Variants in VSX2 observed in about 807,000 individuals in gnomAD.
VSX2 encodes visual system homeobox 2, also known as ceh-10 homeo domain containing homolog.
VSX2 carries 28 observed loss-of-function variants against 32.1 expected under a neutral mutation model. That is an observed-to-expected ratio of 0.87 (90% CI 0.65 to 1.20). The LOEUF is 1.20. Ranked by LOEUF, VSX2 falls within the 50% of genes most tolerant of loss-of-function variation. The pLI, the probability that VSX2 is intolerant of heterozygous loss-of-function variation, is 0.00. For synonymous variants in VSX2, 243 were observed against 214.1 expected (o/e 1.14, Z -1.18); for missense variants, 506 against 488.7 (o/e 1.04, Z -0.33).
At chr14:74,260,039 G>A (rs1438503512) in intron 4 of VSX2, among the ~76,000 whole-genome samples, 3 of 152,214 alleles carry the variant, frequency 2.0e-5, no homozygotes, top group Non-Finnish European at 2.9e-5. Context: ...ATTTTGTCCT[G>A]TGAGAACAGT....
At chr14:74,256,120 G>A (rs563460259) in intron 3 of VSX2, among the ~76,000 whole-genome samples, 14 of 152,228 alleles carry the variant, frequency 9.2e-5, no homozygotes, top group South Asian at 2.1e-4. Context: ...AAGTCATTGC[G>A]GTTTTTGCCA....
chr14:74,241,045 G>A, intron 1 of VSX2, 137 bp from the exon 2 acceptor site: 1 of 829,758 alleles, frequency 1.2e-6, no homozygotes, highest in Non-Finnish European at 2.0e-6. Flanking sequence ...GGCCACCGGG[G>A]CGCCCGCAGG....
intron 3 of VSX2, among the ~76,000 whole-genome samples, chr14:74,251,169 G>T (rs943223147): frequency 1.3e-5 from 2 of 151,960 alleles, no homozygotes; most frequent in Non-Finnish European, 2.9e-5. Context: ...ACAAAATTAC[G>T]CCGGGTACGG....
At chr14:74,255,309 T>C (rs894184949) in intron 3 of VSX2, among the ~76,000 whole-genome samples, 1 of 152,226 alleles carries the variant, frequency 6.6e-6, no homozygotes, top group Non-Finnish European at 1.5e-5. Flanking sequence ...TAATTCCTTG[T>C]CCACTTCCCT....
chr14:74,243,927 C>T (rs1421545975), intron 2 of VSX2, among the ~76,000 whole-genome samples: 1 of 152,118 alleles, frequency 6.6e-6, no homozygotes, highest in Non-Finnish European at 1.5e-5. Flanking sequence ...GAGTCTGATC[C>T]CAGGGGACCA....
At chr14:74,242,566 T>C (rs2079157457) in intron 2 of VSX2, among the ~76,000 whole-genome samples, 1 of 152,138 alleles carries the variant, frequency 6.6e-6, no homozygotes, top group Non-Finnish European at 1.5e-5. Context: ...TAGTTTGTAT[T>C]GTTTTATTTT....
chr14:74,244,371 G>C (rs2024243), intron 2 of VSX2, among the ~76,000 whole-genome samples: 122,423 of 151,888 alleles, frequency 0.81, 49,787 homozygotes, highest in Admixed American at 0.88. Flanking sequence ...CCCTTCCCTT[G>C]TCAGCACAGA....
chr14:74,255,494 T>A (rs1393040801), intron 3 of VSX2, among the ~76,000 whole-genome samples: 3 of 152,244 alleles, frequency 2.0e-5, no homozygotes, highest in African/African-American at 7.2e-5. Context: ...CAGCTGGCAC[T>A]GGCTCCCCTG....
At position 74,250,723 on chromosome 14, in the gene VSX2, A is replaced by G. The variant is rs1189057899; in HGVS notation, c.579+5435A>G. On this transcript the variant is annotated intron_variant, in intron 3 of 4. Transcript: ENST00000261980. Reference sequence around the variant, plus strand: ...GGGCAGATTTTTTTTTTCTCGGCTCATTGCAACCTCCGCCTTCTGGGTTCA... The same window carrying G: ...GGGCAGATTTTTTTTTTCTCGGCTCGTTGCAACCTCCGCCTTCTGGGTTCA... Among the ~76,000 whole-genome samples, 5 of 151,332 alleles carry G rather than the reference A, an allele frequency of 3.3e-5. No homozygotes were observed. In the South Asian group the frequency reaches 6.3e-4, roughly 19 times the overall value.
rs114531546 is a variant in VSX2, at chr14:74,247,210, C to T, written c.579+1922C>T. On this transcript the variant is annotated intron_variant, in intron 3 of 4. Coordinates refer to ENST00000261980, the MANE Select transcript of VSX2 (RefSeq NM_182894.3). Reference sequence around the variant, plus strand: ...TTCAGTAAAGTGGCCTGGGAAAGATCTTGGTGTGCATCAATAGCAGTCACA... The same window carrying T: ...TTCAGTAAAGTGGCCTGGGAAAGATTTTGGTGTGCATCAATAGCAGTCACA... Among the ~76,000 whole-genome samples the T allele has an allele frequency of 8.1e-3, 1,241 of 152,278 alleles. 15 individuals carry two copies. The highest frequency in any genetic ancestry group is 0.029 in the African/African-American group (1,187 of 41,548).
In VSX2 at chr14:74,241,198, C is replaced by A; in HGVS notation, c.387C>A (p.Ser129=). 6.2e-7 allele frequency: 1 copy of A among 1,613,468 alleles called. No homozygotes were observed. Among genetic ancestry groups the A allele is most frequent in the Non-Finnish European group, 8.5e-7 (1 of 1,179,992 alleles). ...GCTTTTCAGATTCTGAAGATGTTTC[C>A]TCCAGCGATCGAAAAATGTCCAAAT... The part of the protein sequence containing the change: ...QTASSDSEDV[S]SSDRKMSKSA... The change falls in exon 2 of 5, where the codon TCC becomes TCA. Residue 129 remains serine, a synonymous_variant. Transcript: ENST00000261980.
intron 4 of VSX2, 135 bp from the exon 5 acceptor site, chr14:74,260,459 T>A (rs2079297285): frequency 1.1e-6 from 1 of 939,994 alleles, no homozygotes; most frequent in East Asian, 2.6e-5. Flanking sequence ...GCCCTGGGAC[T>A]TGTGTGACTG....
At chr14:74,254,241 C>A (rs1337518990) in intron 3 of VSX2, among the ~76,000 whole-genome samples, 5 of 152,066 alleles carry the variant, frequency 3.3e-5, no homozygotes, top group Admixed American at 1.3e-4. Flanking sequence ...GAAACCCTGA[C>A]TCTACTAAAA....
At position 74,239,864 on chromosome 14, in the gene VSX2, G is replaced by T. The variant is rs1157581343; in HGVS notation, c.303G>T (p.Gln101His). 87 of 1,577,518 alleles carry T rather than the reference G, an allele frequency of 5.5e-5. No individual in the cohort carries two copies. Among genetic ancestry groups the T allele is most frequent in the Non-Finnish European group, 7.1e-5 (83 of 1,162,974 alleles). The change falls in exon 1 of 5, where the codon CAG becomes CAT. Residue 101 changes from glutamine to histidine, a missense_variant. Physicochemically the swap from Gln to His is conservative, Grantham distance 24. Transcript: ENST00000261980. Reference sequence around the variant, plus strand: ...TCCTGGAAGTGCTGTCCGACCCGCAGAGCGTCCACTTGCAGCCATTGGGCA... The same window carrying T: ...TCCTGGAAGTGCTGTCCGACCCGCATAGCGTCCACTTGCAGCCATTGGGCA... The part of the protein sequence containing the change: ...PTFLEVLSDP[Q>H]SVHLQPLGRA...
rs1399345986 is a variant in VSX2 at position 74,244,975 on chromosome 14, TGTGTGTGAGA to T, written c.456-188_456-179del. Among the ~76,000 whole-genome samples, 37 of 47,612 alleles carry T rather than the reference TGTGTGTGAGA, an allele frequency of 7.8e-4. 3 individuals carry two copies. The highest frequency in any genetic ancestry group is 3.6e-3 in the East Asian group (2 of 556). The allele number at this position is 47,612 out of a possible 152,430, so 31.2% of individuals were successfully genotyped here. On this transcript the variant is annotated intron_variant, in intron 2 of 4. Coordinates refer to ENST00000261980, the MANE Select transcript of VSX2 (RefSeq NM_182894.3). ...GTGTGTGTGTGTGTGTGTGTGTGTGTGTGTGTGAGAGAGAGAGAGAGAGAGAGAGAGACAG... is the reference window on the plus strand; with the variant it reads ...GTGTGTGTGTGTGTGTGTGTGTGTGTGAGAGAGAGAGAGAGAGAGAGACAG...
At chr14:74,245,704 T>C (rs546783515) in intron 3 of VSX2, among the ~76,000 whole-genome samples, 7 of 152,068 alleles carry the variant, frequency 4.6e-5, no homozygotes, top group African/African-American at 1.4e-4. Flanking sequence ...AGGTGGCTTC[T>C]AGTCCTGACC....
At position 74,241,163 on chromosome 14, in the gene VSX2, C is replaced by G; in HGVS notation, c.371-19C>G. 1 of 1,612,188 alleles carries G rather than the reference C, an allele frequency of 6.2e-7. No homozygotes were observed. Among genetic ancestry groups the G allele is most frequent in the Non-Finnish European group, 8.5e-7 (1 of 1,179,562 alleles). On this transcript the variant is annotated intron_variant, in intron 1 of 4. Transcript: ENST00000261980. ...GCGCGTCCCCCACTCTGCCGCATGT[C>G]CCTACGCCCGCTTTTCAGATTCTGA...
In VSX2 at chr14:74,244,945, AGTGTGTGT is replaced by A. The variant is rs59905689; in HGVS notation, c.456-190_456-183del. Among the ~76,000 whole-genome samples, 2,663 of 59,850 alleles carry A rather than the reference AGTGTGTGT, an allele frequency of 0.044. 100 individuals carry two copies. The highest frequency in any genetic ancestry group is 0.11 in the African/African-American group (1,662 of 15,244). The allele number at this position is 59,850 out of a possible 152,430, so 39.3% of individuals were successfully genotyped here. A position where few individuals can be genotyped will look rare whatever the true frequency, so the allele number is the denominator to read the frequency against. On this transcript the variant is annotated intron_variant, in intron 2 of 4. Transcript: ENST00000261980. Reference sequence around the variant, plus strand: ...GTGTGTGTGTGAAAGAGAGAGAGAAAGTGTGTGTGTGTGTGTGTGTGTGTGTGTGTGTG... The same window carrying A: ...GTGTGTGTGTGAAAGAGAGAGAGAAAGTGTGTGTGTGTGTGTGTGTGTGTG...
At chr14:74,241,316 G>T in intron 2 of VSX2, 50 bp downstream of exon 2, 2 of 1,582,528 alleles carry the variant, frequency 1.3e-6, no homozygotes, top group Non-Finnish European at 1.7e-6. Flanking sequence ...CCCCGCTGCC[G>T]TCCCCCGTTC....
Sources: allele counts gnomAD v4.1 joint callset (sites outside exome capture counted in the v4.1 genomes callset), GRCh38; gene constraint gnomAD v4.1.1; transcripts MANE v1.5; gene names NCBI Gene and HGNC (gene_info 2026-07-23, HGNC 2026-07-21).